Variants in UBR1 observed in about 807,000 individuals in gnomAD.
UBR1 encodes the protein ubiquitin protein ligase E3 component n-recognin 1, also known as E3 ubiquitin-protein ligase UBR1.
A neutral mutation model predicts 242.1 loss-of-function variants in UBR1; 102 were observed. That is an observed-to-expected ratio of 0.42 (90% CI 0.36 to 0.50). The LOEUF (loss-of-function observed/expected upper bound fraction) is 0.50, where lower values mean the gene tolerates loss of function less well. Ranked by LOEUF, UBR1 falls within the 20% of genes least tolerant of loss-of-function variation. The probability of loss-of-function intolerance (pLI) is 0.01; values close to 1 mark genes in which losing one functional copy is unlikely to be tolerated. For synonymous variants in UBR1, 675 were observed against 684.8 expected, an observed-to-expected ratio of 0.99 and a Z score of 0.22; for missense variants, 1,772 against 2,101.8, an observed-to-expected ratio of 0.84 and a Z score of 3.07.
chr15:42,950,429 A>T (rs2031815726), intron 45 of UBR1, 66 bp from the exon 46 acceptor site: 1 of 1,391,138 alleles, frequency 7.2e-7, no homozygotes, highest in African/African-American at 1.4e-5. Context: ...CACTGCATCA[A>T]TGTTAACCTA....
intron 5 of UBR1, among the ~76,000 whole-genome samples, chr15:43,069,928 A>C (rs1480247601): frequency 6.6e-6 from 1 of 152,228 alleles, no homozygotes; most frequent in Non-Finnish European, 1.5e-5. Flanking sequence ...GCAGTTTGTC[A>C]TGACATTTAT....
At chr15:43,034,271 AATAAATAAATAG>A (rs879640021) in intron 19 of UBR1, among the ~76,000 whole-genome samples, 6,628 of 113,560 alleles carry the variant, frequency 0.058, 337 homozygotes, top group East Asian at 0.14. Flanking sequence ...TAAATAAATA[AATAAATAAATAG>A]ATAAATAAAT....
At position 43,049,686 on chromosome 15, in the gene UBR1, T is replaced by C. The variant is rs573903441; in HGVS notation, c.1440-1195A>G. Reference sequence around the variant, plus strand: ...ATACCCATTAACATGCAAATGTACATTAAAAATACAATCATCAAAGAAACT... The same window carrying C: ...ATACCCATTAACATGCAAATGTACACTAAAAATACAATCATCAAAGAAACT... On this transcript the variant is annotated intron_variant, in intron 12 of 46. Transcript: ENST00000290650. Among the ~76,000 whole-genome samples the C allele has an allele frequency of 7.2e-4, 109 of 152,306 alleles. 3 individuals are homozygous for C. In the South Asian group the frequency reaches 0.023, roughly 32 times the overall value.
At chr15:42,977,159 A>G (rs1042660318) in intron 38 of UBR1, among the ~76,000 whole-genome samples, 2 of 152,194 alleles carry the variant, frequency 1.3e-5, no homozygotes, top group Non-Finnish European at 2.9e-5. Flanking sequence ...AGGAGTTCTT[A>G]AAACAATACT....
intron 2 of UBR1, among the ~76,000 whole-genome samples, 191 bp downstream of exon 2, chr15:43,085,793 G>C (rs1210532459): frequency 6.6e-6 from 1 of 151,896 alleles, no homozygotes; most frequent in Non-Finnish European, 1.5e-5. Context: ...GCGGGCACCC[G>C]TAATCCTAGC....
chr15:42,959,340 T>A (rs1303798808), intron 43 of UBR1, among the ~76,000 whole-genome samples: 1 of 152,150 alleles, frequency 6.6e-6, no homozygotes, highest in East Asian at 1.9e-4. Context: ...TACAGGTGCA[T>A]GCCACTGTGC....
intron 6 of UBR1, among the ~76,000 whole-genome samples, chr15:43,064,424 T>A (rs1471507379): frequency 2.0e-5 from 3 of 151,924 alleles, no homozygotes; most frequent in Admixed American, 6.6e-5. Flanking sequence ...AGGAAAAAAA[T>A]TTTTCTAAGA....
At position 43,023,906 on chromosome 15, in the gene UBR1, C is replaced by T. The variant is rs139749048; in HGVS notation, c.2739+923G>A. On this transcript the variant is annotated intron_variant, in intron 25 of 46. Coordinates refer to ENST00000290650, the MANE Select transcript of UBR1 (RefSeq NM_174916.3). ...GTATGCAAAAACATTTGTATAAGAA[C>T]GTACATTTTATTGTTCTTTGTTACA... Among the ~76,000 whole-genome samples the T allele has an allele frequency of 2.4e-4, 37 of 152,212 alleles. 2 individuals carry two copies. In the East Asian group the frequency reaches 6.7e-3, roughly 28 times the overall value.
chr15:42,958,769 A>G (rs1250793062), intron 43 of UBR1, among the ~76,000 whole-genome samples: 5 of 152,174 alleles, frequency 3.3e-5, no homozygotes, highest in Admixed American at 3.3e-4. Context: ...GTATTGGGGA[A>G]GATCATCTGA....
intron 46 of UBR1, among the ~76,000 whole-genome samples, chr15:42,947,592 G>C (rs956820054): frequency 6.6e-6 from 1 of 152,032 alleles, no homozygotes; most frequent in African/African-American, 2.4e-5. Flanking sequence ...AAAGTCTCAG[G>C]ATACAAAATC....
intron 39 of UBR1, 97 bp downstream of exon 39, chr15:42,976,620 A>G: frequency 2.8e-6 from 4 of 1,436,898 alleles, no homozygotes; most frequent in East Asian, 2.3e-5. Flanking sequence ...ATAACACAGA[A>G]CCTAGAAATA....
chr15:42,981,816 T>C (rs1000742455), intron 37 of UBR1, among the ~76,000 whole-genome samples: 10 of 152,176 alleles, frequency 6.6e-5, no homozygotes, highest in African/African-American at 2.4e-4. Flanking sequence ...ATGTTTGTTT[T>C]TATAGAAGTT....
At chr15:43,097,175 T>C (rs1476658980) in intron 1 of UBR1, among the ~76,000 whole-genome samples, 1 of 152,204 alleles carries the variant, frequency 6.6e-6, no homozygotes, top group Admixed American at 6.5e-5. Flanking sequence ...TATATCTCCA[T>C]CAGAGCTTTT....
Position 43,004,948 on chromosome 15 carries a change from G to A in UBR1, c.3416-1018C>T, listed in dbSNP as rs148219788. Among the ~76,000 whole-genome samples, 522 of 150,636 alleles carry A rather than the reference G, an allele frequency of 3.5e-3. 2 individuals are homozygous for A. Among genetic ancestry groups the A allele is most frequent in the African/African-American group, 0.012 (495 of 40,940 alleles). On this transcript the variant is annotated intron_variant, in intron 30 of 46. Transcript: ENST00000290650. ...TAGGAAGTGAGGAGTGTCTCTGCCC[G>A]GCACCCATCGTCTGAGATGTGGGGA... is the stretch of plus-strand genomic sequence containing the variant.
At chr15:43,009,928 T>C (rs955455997) in intron 29 of UBR1, among the ~76,000 whole-genome samples, 3 of 152,222 alleles carry the variant, frequency 2.0e-5, no homozygotes, top group Admixed American at 6.5e-5. Flanking sequence ...TGGAGTGCAG[T>C]GGCGCGATCT....
intron 12 of UBR1, among the ~76,000 whole-genome samples, chr15:43,050,135 G>C (rs1043007901): frequency 1.3e-5 from 2 of 152,018 alleles, no homozygotes; most frequent in Admixed American, 6.6e-5. Context: ...TTTTTGTAGA[G>C]ACAAAGTCTC....
At chr15:43,094,797 A>G (rs978003829) in intron 1 of UBR1, among the ~76,000 whole-genome samples, 2 of 152,240 alleles carry the variant, frequency 1.3e-5, no homozygotes, top group African/African-American at 2.4e-5. Context: ...TGTAAATATG[A>G]TAAGTCTTCT....
intron 29 of UBR1, among the ~76,000 whole-genome samples, chr15:43,008,865 C>T (rs2032874135): frequency 6.6e-6 from 1 of 152,046 alleles, no homozygotes; most frequent in Non-Finnish European, 1.5e-5. Context: ...GATACCCACT[C>T]TGGATCTCCT....
At chr15:43,095,141 T>A (rs908372949) in intron 1 of UBR1, among the ~76,000 whole-genome samples, 1 of 152,194 alleles carries the variant, frequency 6.6e-6, no homozygotes, top group African/African-American at 2.4e-5. Flanking sequence ...AATCCTCTCT[T>A]AAATTACAAG....
Sources: gnomAD v4.1 joint callset for allele counts (sites outside exome capture counted in the v4.1 genomes callset) on GRCh38, gnomAD v4.1.1 for gene constraint, MANE v1.5 for transcripts, NCBI Gene and HGNC (gene_info 2026-07-23, HGNC 2026-07-21) for gene names.